Variants in CNTNAP2 observed in about 807,000 individuals in gnomAD.
CNTNAP2 encodes contactin-associated protein-like 2.
Under a neutral mutation model 155.2 loss-of-function variants are expected in CNTNAP2, and 98 were observed. The observed-to-expected ratio is 0.63, with a 90% CI of 0.54 to 0.75. The LOEUF (loss-of-function observed/expected upper bound fraction) is 0.75, where lower values mean the gene tolerates loss of function less well. Among genes scored for constraint, CNTNAP2 ranks in the 30% least tolerant of loss-of-function variants. The pLI is 0.00. For missense variants in CNTNAP2, 1,727 were observed against 1,688.1 expected (o/e 1.02, Z -0.40); for synonymous variants, 651 against 631.2 (o/e 1.03, Z -0.47).
At chr7:146,330,395 T>A (rs540739003) in intron 1 of CNTNAP2, among the ~76,000 whole-genome samples, 105 of 152,290 alleles carry the variant, frequency 6.9e-4, no homozygotes, top group African/African-American at 2.5e-3. Flanking sequence ...AAAGTTCCTG[T>A]ATCTTTTTTG....
intron 17 of CNTNAP2, among the ~76,000 whole-genome samples, chr7:148,170,080 G>T (rs531295070): frequency 7.2e-5 from 11 of 152,230 alleles, no homozygotes; most frequent in African/African-American, 2.4e-4. Context: ...AAATGAAAAA[G>T]GCTGTTCCCT....
intron 3 of CNTNAP2, among the ~76,000 whole-genome samples, chr7:146,850,011 A>T (rs1794841314): frequency 6.6e-6 from 1 of 152,158 alleles, no homozygotes; most frequent in African/African-American, 2.4e-5. Flanking sequence ...CCAGGTAGCT[A>T]ATTTAGTCAG....
intron 1 of CNTNAP2, among the ~76,000 whole-genome samples, chr7:146,235,874 C>T (rs1799464622): frequency 6.6e-6 from 1 of 152,094 alleles, no homozygotes; most frequent in South Asian, 2.1e-4. Flanking sequence ...GACATTGATA[C>T]ATAGACTTGT....
At chr7:146,242,330 G>A (rs906929113) in intron 1 of CNTNAP2, among the ~76,000 whole-genome samples, 2 of 152,108 alleles carry the variant, frequency 1.3e-5, no homozygotes, top group East Asian at 3.9e-4. Flanking sequence ...AAGAGGTCAG[G>A]AGTTCTAGAC....
chr7:147,869,129 A>T (rs186380537), intron 13 of CNTNAP2, among the ~76,000 whole-genome samples: 1 of 152,220 alleles, frequency 6.6e-6, no homozygotes, highest in Non-Finnish European at 1.5e-5. Context: ...TTCCATTTCA[A>T]TGCAGCCACT....
intron 18 of CNTNAP2, among the ~76,000 whole-genome samples, chr7:148,187,502 C>A (rs183535324): frequency 6.6e-6 from 1 of 152,280 alleles, no homozygotes; most frequent in African/African-American, 2.4e-5. Flanking sequence ...CTGGAGACTG[C>A]GCTACGTAAA....
At chr7:146,959,293 G>A (rs188770114) in intron 3 of CNTNAP2, among the ~76,000 whole-genome samples, 3 of 152,214 alleles carry the variant, frequency 2.0e-5, no homozygotes, top group South Asian at 2.1e-4. Context: ...GAGCCACCGC[G>A]CCAGGCCTAG....
At chr7:147,315,111 CAAAAA>C (rs61529667) in intron 9 of CNTNAP2, among the ~76,000 whole-genome samples, 2 of 107,190 alleles carry the variant, frequency 1.9e-5, no homozygotes, top group African/African-American at 3.5e-5. Context: ...GGGTACTTTA[CAAAAA>C]AAAAAAAAAA....
intron 14 of CNTNAP2, among the ~76,000 whole-genome samples, chr7:147,964,257 A>G (rs934479494): frequency 2.6e-5 from 4 of 152,120 alleles, no homozygotes; most frequent in South Asian, 2.1e-4. Flanking sequence ...TTGGACTTCA[A>G]GCTTTCAAAA....
intron 1 of CNTNAP2, among the ~76,000 whole-genome samples, chr7:146,334,443 A>AAG (rs1238195582): frequency 6.6e-6 from 1 of 152,058 alleles, no homozygotes; most frequent in East Asian, 1.9e-4. Flanking sequence ...AAAAAAAAAA[A>AAG]AAAAGCATCC....
chr7:146,372,213 A>G (rs1388120631), intron 1 of CNTNAP2, among the ~76,000 whole-genome samples: 1 of 152,180 alleles, frequency 6.6e-6, no homozygotes, highest in Non-Finnish European at 1.5e-5. Flanking sequence ...CCATATCTTT[A>G]TCTTGAGTAA....
intron 1 of CNTNAP2, among the ~76,000 whole-genome samples, chr7:146,407,337 A>ACATAATTT (rs1480743297): frequency 5.3e-5 from 8 of 152,332 alleles, no homozygotes; most frequent in African/African-American, 1.7e-4. Context: ...AATCATCATT[A>ACATAATTT]CATAATTTGG....
intron 11 of CNTNAP2, among the ~76,000 whole-genome samples, chr7:147,535,650 G>T (rs528653136): frequency 6.6e-6 from 1 of 152,168 alleles, no homozygotes; most frequent in African/African-American, 2.4e-5. Context: ...TAAATGTTTT[G>T]GAAATATCTC....
At chr7:148,229,836 T>A in intron 20 of CNTNAP2, 57 bp downstream of exon 20, 1 of 1,603,278 alleles carries the variant, frequency 6.2e-7, no homozygotes, top group East Asian at 2.3e-5. Flanking sequence ...TCCCTGTCCC[T>A]ATAATGCTTG....
intron 10 of CNTNAP2, among the ~76,000 whole-genome samples, chr7:147,468,996 T>A (rs35392596): frequency 1.3e-5 from 2 of 151,910 alleles, no homozygotes; most frequent in African/African-American, 4.8e-5. Flanking sequence ...CTGATTTTTG[T>A]ATTTTTAGTA....
At chr7:147,459,066 T>C (rs562749420) in intron 10 of CNTNAP2, among the ~76,000 whole-genome samples, 65 of 152,350 alleles carry the variant, frequency 4.3e-4, no homozygotes, top group African/African-American at 1.6e-3. Flanking sequence ...TCAGCAGTGA[T>C]GGAGATATTC....
chr7:146,639,550 A>G (rs190255986), intron 1 of CNTNAP2, among the ~76,000 whole-genome samples: 1 of 152,336 alleles, frequency 6.6e-6, no homozygotes, highest in East Asian at 1.9e-4. Context: ...CTTACCTCTC[A>G]CTACCATTTA....
chr7:148,132,988 A>G (rs1269834097), intron 16 of CNTNAP2, among the ~76,000 whole-genome samples: 2 of 152,226 alleles, frequency 1.3e-5, no homozygotes, highest in Non-Finnish European at 2.9e-5. Flanking sequence ...CCATTACACC[A>G]CAATTATCCC....
At chr7:146,480,125 A>G (rs1796937882) in intron 1 of CNTNAP2, among the ~76,000 whole-genome samples, 1 of 152,202 alleles carries the variant, frequency 6.6e-6, no homozygotes, top group Non-Finnish European at 1.5e-5. Context: ...AGGTAATGAT[A>G]ACACACCGAC....
Sources: gnomAD v4.1 joint callset for allele counts (sites outside exome capture counted in the v4.1 genomes callset) on GRCh38, gnomAD v4.1.1 for gene constraint, MANE v1.5 for transcripts, NCBI Gene and HGNC (gene_info 2026-07-23, HGNC 2026-07-21) for gene names.